Variants in RNF43 observed in about 807,000 individuals in gnomAD.
RNF43 encodes the protein E3 ubiquitin-protein ligase RNF43.
RNF43 carries 37 observed loss-of-function variants against 78.4 expected under a neutral mutation model. That is an observed-to-expected ratio of 0.47 (90% CI 0.36 to 0.62). RNF43 has a LOEUF of 0.62. Among genes scored for constraint, RNF43 ranks in the 20% least tolerant of loss-of-function variants. The pLI is 0.00. For synonymous variants in RNF43, 347 were observed against 395.0 expected (o/e 0.88, Z 1.44); for missense variants, 774 against 1,007.9 (o/e 0.77, Z 3.14).
At chr17:58,372,726 A>G (rs1973125804) in intron 2 of RNF43, among the ~76,000 whole-genome samples, 1 of 152,176 alleles carries the variant, frequency 6.6e-6, no homozygotes, top group African/African-American at 2.4e-5. Context: ...GGCAGCTAAC[A>G]ATACATATGG....
chr17:58,403,139 T>C (rs1308216903), intron 2 of RNF43, among the ~76,000 whole-genome samples: 1 of 152,088 alleles, frequency 6.6e-6, no homozygotes, highest in Admixed American at 6.5e-5. Context: ...ATGAATTAAG[T>C]CCAGATAAGG....
intron 3 of RNF43, among the ~76,000 whole-genome samples, chr17:58,365,726 G>C (rs896015579): frequency 6.6e-6 from 1 of 152,090 alleles, no homozygotes; most frequent in Non-Finnish European, 1.5e-5. Context: ...AGTAAGTGGA[G>C]GCAAAAAGGA....
At chr17:58,384,618 A>C (rs1006976935) in intron 2 of RNF43, among the ~76,000 whole-genome samples, 8 of 152,302 alleles carry the variant, frequency 5.3e-5, no homozygotes, top group Non-Finnish European at 1.0e-4. Flanking sequence ...GCTTGAAGAG[A>C]CAATGCAATG....
At chr17:58,409,801 G>A (rs751046913) in intron 2 of RNF43, among the ~76,000 whole-genome samples, 1 of 152,152 alleles carries the variant, frequency 6.6e-6, no homozygotes, top group African/African-American at 2.4e-5. Context: ...TGGGCAGATC[G>A]CTTGAGACTA....
At chr17:58,382,809 C>T (rs56035454) in intron 2 of RNF43, among the ~76,000 whole-genome samples, 100 of 152,298 alleles carry the variant, frequency 6.6e-4, no homozygotes, top group African/African-American at 2.4e-3. Context: ...TTAGACAACA[C>T]ACAGGGCATG....
chr17:58,389,066 C>T (rs560229717), intron 2 of RNF43, among the ~76,000 whole-genome samples: 7 of 152,264 alleles, frequency 4.6e-5, no homozygotes, highest in Admixed American at 4.6e-4. Flanking sequence ...CAAAACAATA[C>T]TGTAAGCAGA....
chr17:58,374,544 C>A (rs1286092021), intron 2 of RNF43, among the ~76,000 whole-genome samples: 1 of 152,138 alleles, frequency 6.6e-6, no homozygotes, highest in Non-Finnish European at 1.5e-5. Flanking sequence ...AGGCGCCCGC[C>A]ACCATGTCTG....
intron 2 of RNF43, among the ~76,000 whole-genome samples, chr17:58,399,001 C>T (rs1973740750): frequency 6.6e-6 from 1 of 152,190 alleles, no homozygotes. Context: ...TGCCCTTCTC[C>T]AGGTCCTCCC....
In RNF43 at chr17:58,370,896, GAAGT is replaced by G. The variant is rs765509157; in HGVS notation, c.375+11_375+14del. On this transcript the variant is annotated intron_variant, in intron 3 of 9. Transcript: ENST00000407977. ...GTGAAGCTCCGGGTGTGTGTAGGGC[GAAGT>G]GTGAGTCTACCTTGCTAGCCAGTGA... 1 of 1,581,570 alleles carries G rather than the reference GAAGT, an allele frequency of 6.3e-7. No individual in the cohort carries two copies. The highest frequency in any genetic ancestry group is 1.3e-5 in the African/African-American group (1 of 74,468).
rs2143410554 is a variant in RNF43, at chr17:58,358,288, A to T, written c.1488T>A (p.Thr496=). The T allele has an allele frequency of 1.2e-6, 2 of 1,614,112 alleles. No individual in the cohort carries two copies. Among genetic ancestry groups the T allele is most frequent in the Non-Finnish European group, 1.7e-6 (2 of 1,180,002 alleles). Residue 496 remains threonine (T), a synonymous_variant, in exon 9 of 10, where the codon ACT becomes ACA. Transcript: ENST00000407977. The surrounding 1 kb of genome is among the most constrained non-coding windows in gnomAD (Gnocchi z 6.2). ...SLQGVHGSSS[T]FCSSLSSDFD... Reference sequence around the variant, plus strand: ...AGTCACTGCTTAGGGAGCTGCAGAAAGTAGAACTGCTGCCATGGACCCCCT... The same window carrying T: ...AGTCACTGCTTAGGGAGCTGCAGAATGTAGAACTGCTGCCATGGACCCCCT...
intron 2 of RNF43, among the ~76,000 whole-genome samples, chr17:58,397,663 C>CAA (rs573256327): frequency 1.0e-4 from 8 of 78,088 alleles, no homozygotes; most frequent in Non-Finnish European, 1.4e-4. Flanking sequence ...AACTCCGTCT[C>CAA]AAAAAAAAAA....
At chr17:58,362,420 T>G (rs1598132379) in intron 6 of RNF43, 124 bp downstream of exon 6, 9 of 583,662 alleles carry the variant, frequency 1.5e-5, no homozygotes. Context: ...GACGCTGGGG[T>G]ATTTTGATGT....
In RNF43 at chr17:58,358,340, A is replaced by G. The variant is rs2143412197; in HGVS notation, c.1436T>C (p.Val479Ala). 1 of 1,614,174 alleles carries G rather than the reference A, an allele frequency of 6.2e-7. No individual in the cohort carries two copies. The highest frequency in any genetic ancestry group is 8.5e-7 in the Non-Finnish European group (1 of 1,180,014). Reference protein sequence around the residue: ...GPCHGSSSDSVVNCTDISLQG... With the variant: ...GPCHGSSSDSAVNCTDISLQG... ...TAGGCTGATGTCCGTGCAGTTGACC[A>G]CAGAGTCACTGGAAGAGCCATGACA... The change falls in exon 9 of 10, where the codon GTG (valine) becomes GCG (alanine). Residue 479 changes from valine to alanine, a missense_variant. Transcript: ENST00000407977. The surrounding 1 kb of genome is among the most constrained non-coding windows in gnomAD (Gnocchi z 6.2).
chr17:58,414,292 TAAA>T (rs1469205144), intron 2 of RNF43, among the ~76,000 whole-genome samples: 1 of 152,224 alleles, frequency 6.6e-6, no homozygotes, highest in African/African-American at 2.4e-5. Context: ...AGACAAAAAT[TAAA>T]ATTCATACAA....
chr17:58,401,652 A>G (rs942249104), intron 2 of RNF43, among the ~76,000 whole-genome samples: 14 of 152,202 alleles, frequency 9.2e-5, no homozygotes, highest in Non-Finnish European at 1.8e-4. Context: ...GACATTTTAT[A>G]TAATACATTC....
intron 3 of RNF43, among the ~76,000 whole-genome samples, chr17:58,366,992 A>ACTT (rs1972968748): frequency 2.4e-5 from 3 of 122,808 alleles, no homozygotes; most frequent in Non-Finnish European, 4.9e-5. Flanking sequence ...GGCCCGGCTA[A>ACTT]TTTTTTTTTT....
At chr17:58,359,651 G>A (rs539253075) in intron 8 of RNF43, among the ~76,000 whole-genome samples, 2 of 151,222 alleles carry the variant, frequency 1.3e-5, no homozygotes, top group South Asian at 2.1e-4. Context: ...TACATGCCAG[G>A]CACGGTGGCT....
In RNF43 at chr17:58,358,700, A is replaced by G. The variant is rs2143424902; in HGVS notation, c.1076T>C (p.Leu359Ser). The G allele has an allele frequency of 1.3e-6, 2 of 1,543,852 alleles. No individual in the cohort carries two copies. Among genetic ancestry groups the G allele is most frequent in the Non-Finnish European group, 1.7e-6 (2 of 1,143,462 alleles). The part of the protein sequence containing the change: ...AHYHLPAAYL[L>S]GPSRSAVARP... The stretch of plus-strand genomic sequence containing the variant: ...AGCCACTGCACTCCGGGAAGGGCCC[A>G]ACAGGTAGGCAGCAGGGAGGTGGTA... The change falls in exon 9 of 10, where the codon TTG becomes TCG. Residue 359 changes from leucine to serine, a missense_variant. Transcript: ENST00000407977. The surrounding 1 kb of genome is among the most constrained non-coding windows in gnomAD (Gnocchi z 6.2).
At chr17:58,367,908 C>T (rs562896467) in intron 3 of RNF43, among the ~76,000 whole-genome samples, 13 of 152,166 alleles carry the variant, frequency 8.5e-5, no homozygotes, top group South Asian at 4.1e-4. Context: ...TTACCATGTA[C>T]GTGGCATGGG....
Sources: allele counts gnomAD v4.1 joint callset (sites outside exome capture counted in the v4.1 genomes callset), GRCh38; gene constraint gnomAD v4.1.1; non-coding constraint Gnocchi (gnomAD v3.1); transcripts MANE v1.5; gene names NCBI Gene and HGNC (gene_info 2026-07-23, HGNC 2026-07-21).